NIM1K: variants seen among roughly 807,000 people sequenced by gnomAD.
The protein encoded by NIM1K is NIM1 serine/threonine protein kinase.
NIM1K carries 35 observed loss-of-function variants against 37.1 expected under a neutral mutation model. That is an observed-to-expected ratio of 0.94 (90% CI 0.72 to 1.25). NIM1K has a LOEUF of 1.25. Ranked by LOEUF, NIM1K falls within the 50% of genes most tolerant of loss-of-function variation. NIM1K has a pLI of 0.00. For synonymous variants in NIM1K, 234 were observed against 206.6 expected, an observed-to-expected ratio of 1.13 and a Z score of -1.14; for missense variants, 564 against 548.0, an observed-to-expected ratio of 1.03 and a Z score of -0.29.
chr5:43,263,580 T>C (rs1753071513), intron 2 of NIM1K, among the ~76,000 whole-genome samples: 1 of 152,004 alleles, frequency 6.6e-6, no homozygotes, highest in Non-Finnish European at 1.5e-5. Flanking sequence ...GATTCATTGA[T>C]TTTTTTATTT....
chr5:43,260,650 G>C (rs1233411173), intron 2 of NIM1K, among the ~76,000 whole-genome samples: 1 of 152,090 alleles, frequency 6.6e-6, no homozygotes, highest in African/African-American at 2.4e-5. Flanking sequence ...TGCAGTACAT[G>C]TGCACAATGT....
At chr5:43,218,498 G>A (rs1752334951) in intron 1 of NIM1K, among the ~76,000 whole-genome samples, 2 of 152,132 alleles carry the variant, frequency 1.3e-5, no homozygotes, top group South Asian at 2.1e-4. Context: ...CATGGTGGAA[G>A]GCAAGAGGAG....
chr5:43,232,814 C>G, intron 1 of NIM1K: 2 of 1,052,940 alleles, frequency 1.9e-6, no homozygotes, highest in Admixed American at 1.8e-5. Context: ...CAAATTTGGT[C>G]CAAAACGAGG....
In NIM1K at chr5:43,280,676, TC is replaced by T; in HGVS notation, c.1261del (p.Arg421ValfsTer6). ...TAAAGAAAGAGACCTCAAAAAAGGG[TC>T]CCGTGTCTACAGAGGGATAAGACAC... Reference protein sequence around the residue: ...DPKERDLKKGSRVYRGIRHTS... With the variant: ...DPKERDLKKGXRVYRGIRHTS... On this transcript the variant is annotated frameshift_variant, in exon 4 of 4. Coordinates refer to ENST00000326035, the MANE Select transcript of NIM1K (RefSeq NM_153361.4). LOFTEE classifies it high-confidence loss of function. 6.2e-7 allele frequency: 1 copy of T among 1,613,306 alleles called. No homozygotes were observed. Among genetic ancestry groups the T allele is most frequent in the Non-Finnish European group, 8.5e-7 (1 of 1,179,838 alleles).
In NIM1K at chr5:43,245,758, C is replaced by A; in HGVS notation, c.-18C>A. On this transcript the variant is annotated 5_prime_UTR_variant, in exon 2 of 4. Coordinates refer to ENST00000326035, the MANE Select transcript of NIM1K (RefSeq NM_153361.4). ...ACCTGCCTCTTCGCTGAGATGGAGA[C>A]GTGAGCCCCCGTGGACGATGACTGC... The A allele has an allele frequency of 6.4e-7, 1 of 1,555,302 alleles. No homozygotes were observed. Among genetic ancestry groups the A allele is most frequent in the South Asian group, 1.2e-5 (1 of 81,590 alleles).
chr5:43,264,197 A>G (rs1407192877), intron 2 of NIM1K, among the ~76,000 whole-genome samples: 2 of 152,254 alleles, frequency 1.3e-5, no homozygotes, highest in South Asian at 2.1e-4. Context: ...TGTCTCATTG[A>G]TCTGTCTAAT....
chr5:43,280,751 C>A lies in NIM1K; in HGVS notation c.*22C>A. The A allele has an allele frequency of 6.5e-7, 1 of 1,541,642 alleles. No homozygotes were observed. Among genetic ancestry groups the A allele is most frequent in the South Asian group, 1.3e-5 (1 of 78,398 alleles). On this transcript the variant is annotated 3_prime_UTR_variant, in exon 4 of 4. Coordinates refer to ENST00000326035, the MANE Select transcript of NIM1K (RefSeq NM_153361.4). The stretch of plus-strand genomic sequence containing the variant: ...ATAAATTGCACTAGACTGCTTGTAA[C>A]TAACCAAGATGATTGTTGCTGCTTC...
chr5:43,271,884 T>C (rs1206881273), intron 2 of NIM1K, among the ~76,000 whole-genome samples: 1 of 152,170 alleles, frequency 6.6e-6, no homozygotes, highest in East Asian at 1.9e-4. Flanking sequence ...TTTCTATAAT[T>C]TTGTCATTCC....
chr5:43,240,544 A>G (rs935262000), intron 1 of NIM1K, among the ~76,000 whole-genome samples: 4 of 127,434 alleles, frequency 3.1e-5, no homozygotes, highest in Non-Finnish European at 6.6e-5. Context: ...TCTTTCTTAC[A>G]CTTTTTTTTT....
At position 43,280,561 on chromosome 5, in the gene NIM1K, C is replaced by T; in HGVS notation, c.1143C>T (p.Ser381=). Residue 381 remains serine (S), a synonymous_variant, in exon 4 of 4, where the codon AGC becomes AGT. Transcript: ENST00000326035. ...IRNNQGRDAR[S]SITGVYRIIL... The stretch of plus-strand genomic sequence containing the variant: ...ATAACCAAGGGAGAGATGCTCGCAG[C>T]TCAATCACAGGGGTCTATAGAATTA... 1 of 1,614,144 alleles carries T rather than the reference C, an allele frequency of 6.2e-7. No homozygotes were observed. Among genetic ancestry groups the T allele is most frequent in the Non-Finnish European group, 8.5e-7 (1 of 1,180,018 alleles).
At chr5:43,205,465 A>G (rs954009854) in intron 1 of NIM1K, among the ~76,000 whole-genome samples, 1 of 152,162 alleles carries the variant, frequency 6.6e-6, no homozygotes, top group African/African-American at 2.4e-5. Context: ...AACAATGGCT[A>G]CTTCCATCTG....
In NIM1K at chr5:43,259,576, T is replaced by A. The variant is rs776108328; in HGVS notation, c.292+13509T>A. Among the ~76,000 whole-genome samples the A allele has an allele frequency of 7.9e-5, 12 of 152,336 alleles. No homozygotes were observed. The East Asian group carries it at 2.1e-3, about 27-fold the overall frequency. On this transcript the variant is annotated intron_variant, in intron 2 of 3. Coordinates refer to ENST00000326035, the MANE Select transcript of NIM1K (RefSeq NM_153361.4). ...CATATGTTTGTTGGCCATTTGTATG[T>A]CTTCTTTTGAGAAATATTTATTCAT...
intron 1 of NIM1K, chr5:43,233,322 A>AAC (rs1561081523): frequency 1.9e-4 from 86 of 457,808 alleles, no homozygotes; most frequent in South Asian, 7.4e-4. Flanking sequence ...TAAAAAAAAA[A>AAC]AAAAACTTAA....
At chr5:43,202,475 G>T (rs557444657) in intron 1 of NIM1K, among the ~76,000 whole-genome samples, 2 of 152,164 alleles carry the variant, frequency 1.3e-5, no homozygotes, top group South Asian at 4.1e-4. Flanking sequence ...ACCCCTCTGG[G>T]TCTGTTTATT....
intron 1 of NIM1K, among the ~76,000 whole-genome samples, chr5:43,209,348 G>A (rs750948260): frequency 2.0e-5 from 3 of 152,184 alleles, no homozygotes; most frequent in Non-Finnish European, 1.5e-5. Context: ...CATCAAACCC[G>A]CAGTGTTTCA....
intron 1 of NIM1K, among the ~76,000 whole-genome samples, chr5:43,203,435 C>T (rs12658283): frequency 0.021 from 3,169 of 152,260 alleles, 118 homozygotes; most frequent in East Asian, 0.16. Context: ...TCAAATAAGG[C>T]AAACGTTGAA....
rs1170975550 is a variant in NIM1K, at chr5:43,204,170, C to T, written c.-695+11759C>T. Among the ~76,000 whole-genome samples, 9 of 143,430 alleles carry T rather than the reference C, an allele frequency of 6.3e-5. No homozygotes were observed. In the East Asian group the frequency reaches 9.4e-4, roughly 15 times the overall value. 94.1% of individuals were successfully genotyped at this position (143,430 alleles called of 152,430 possible). A position where few individuals can be genotyped will look rare whatever the true frequency, so the allele number is the denominator to read the frequency against. On this transcript the variant is annotated intron_variant, in intron 1 of 3. Coordinates refer to ENST00000326035, the MANE Select transcript of NIM1K (RefSeq NM_153361.4). ...CTCGATCTCAGCTCACTGCAACCTC[C>T]GCTTCCTGGGGGGTTCAAGAGATTC...
intron 1 of NIM1K, among the ~76,000 whole-genome samples, chr5:43,208,588 C>T (rs1432059100): frequency 1.3e-5 from 2 of 149,374 alleles, no homozygotes; most frequent in African/African-American, 2.5e-5. Context: ...GGCGACAGGG[C>T]AGGACTCTGT....
intron 2 of NIM1K, among the ~76,000 whole-genome samples, chr5:43,246,396 G>T (rs1013733434): frequency 1.3e-5 from 2 of 151,608 alleles, no homozygotes; most frequent in African/African-American, 4.8e-5. Flanking sequence ...AGAAGAATCT[G>T]TCCTCTCCGG....
Sources: gnomAD v4.1 joint callset for allele counts (sites outside exome capture counted in the v4.1 genomes callset) on GRCh38, gnomAD v4.1.1 for gene constraint, MANE v1.5 for transcripts, NCBI Gene and HGNC (gene_info 2026-07-23, HGNC 2026-07-21) for gene names.